Variants in SPMIP2 observed in about 807,000 individuals in gnomAD.
SPMIP2 encodes the protein protein SPMIP2.
At chr4:159,035,146 A>T in the SPMIP2 span, 1 of 1,483,546 alleles carries the variant, frequency 6.7e-7, no homozygotes, top group Non-Finnish European at 9.4e-7. Flanking sequence ...GCTTCTTCAA[A>T]TCAGTTAAGC....
chr4:159,013,511 A>G, the SPMIP2 span, among the ~76,000 whole-genome samples: 2 of 152,184 alleles, frequency 1.3e-5, no homozygotes, highest in Non-Finnish European at 2.9e-5. Flanking sequence ...GTAGGAGCCC[A>G]CCTTCCTGTC....
the SPMIP2 span, among the ~76,000 whole-genome samples, chr4:158,938,059 A>G: frequency 6.6e-6 from 1 of 152,244 alleles, no homozygotes; most frequent in African/African-American, 2.4e-5. Flanking sequence ...TATGGACAAA[A>G]CTATTTTGCA....
At chr4:159,076,908 T>A in the SPMIP2 span, among the ~76,000 whole-genome samples, 3 of 151,886 alleles carry the variant, frequency 2.0e-5, no homozygotes, top group Non-Finnish European at 2.9e-5. Flanking sequence ...CCGTCTCGGC[T>A]CACTGCAGCC....
chr4:158,970,483 T>C, the SPMIP2 span, among the ~76,000 whole-genome samples: 5 of 151,710 alleles, frequency 3.3e-5, no homozygotes, highest in South Asian at 1.0e-3. Flanking sequence ...GAGGCTGCAG[T>C]GAGCTATGAG....
At chr4:158,977,891 T>A in the SPMIP2 span, among the ~76,000 whole-genome samples, 1 of 152,152 alleles carries the variant, frequency 6.6e-6, no homozygotes, top group Non-Finnish European at 1.5e-5. Context: ...GGATTACAGG[T>A]GTGAGCCACA....
chr4:158,902,180 G>T, the SPMIP2 span, among the ~76,000 whole-genome samples: 1 of 152,006 alleles, frequency 6.6e-6, no homozygotes, highest in Non-Finnish European at 1.5e-5. Context: ...CTGAGTGGAC[G>T]TCCTTTTTGT....
chr4:159,032,341 C>G, the SPMIP2 span, among the ~76,000 whole-genome samples: 1 of 152,174 alleles, frequency 6.6e-6, no homozygotes, highest in African/African-American at 2.4e-5. Flanking sequence ...TAATTCTGCT[C>G]TCTCTATATA....
chr4:159,060,877 A>C, the SPMIP2 span, among the ~76,000 whole-genome samples: 1 of 151,600 alleles, frequency 6.6e-6, no homozygotes. Context: ...TTGAGCCCAG[A>C]AGTTCAAGAC....
the SPMIP2 span, among the ~76,000 whole-genome samples, chr4:158,978,553 T>C: frequency 6.6e-6 from 1 of 152,228 alleles, no homozygotes; most frequent in African/African-American, 2.4e-5. Context: ...AGACTTTACA[T>C]CTCTTTGTAA....
At chr4:158,931,445 C>T in the SPMIP2 span, among the ~76,000 whole-genome samples, 2 of 152,070 alleles carry the variant, frequency 1.3e-5, no homozygotes, top group Non-Finnish European at 2.9e-5. Flanking sequence ...TTAGTAGAGA[C>T]GCGGTTTCAT....
At chr4:158,893,144 G>T in the SPMIP2 span, 1 of 152,486 alleles carries the variant, frequency 6.6e-6, no homozygotes, top group Non-Finnish European at 1.5e-5. Flanking sequence ...GTAAAAGAAA[G>T]ATAGTACCTG....
chr4:158,931,783 A>T, the SPMIP2 span, among the ~76,000 whole-genome samples: 5 of 151,926 alleles, frequency 3.3e-5, no homozygotes, highest in African/African-American at 1.2e-4. Context: ...GGCTGGTCTC[A>T]AACTCTTGAC....
the SPMIP2 span, among the ~76,000 whole-genome samples, chr4:158,947,999 C>T: frequency 6.6e-6 from 1 of 152,138 alleles, no homozygotes; most frequent in African/African-American, 2.4e-5. Context: ...CCTTCTCTCC[C>T]TGCTCCAATG....
the SPMIP2 span, among the ~76,000 whole-genome samples, chr4:158,956,423 C>G: frequency 6.6e-6 from 1 of 152,168 alleles, no homozygotes; most frequent in Non-Finnish European, 1.5e-5. Flanking sequence ...ATTAGCTGGG[C>G]ATGATGGTGC....
the SPMIP2 span, among the ~76,000 whole-genome samples, chr4:158,988,560 T>C: frequency 0.98 from 149,771 of 152,304 alleles, 73,685 homozygotes; most frequent in East Asian, 1. Context: ...TGGCTTCATC[T>C]CTGGGATGCA....
the SPMIP2 span, among the ~76,000 whole-genome samples, chr4:158,920,698 T>G: frequency 6.6e-6 from 1 of 152,252 alleles, no homozygotes; most frequent in African/African-American, 2.4e-5. Context: ...AGACAATACA[T>G]GCACCACTGA....
At chr4:159,026,414 A>T in the SPMIP2 span, 1 of 985,492 alleles carries the variant, frequency 1.0e-6, no homozygotes, top group Non-Finnish European at 1.6e-6. Context: ...CAGCATCAGG[A>T]GTGGGATGGG....
At chr4:159,056,780 G>T in the SPMIP2 span, among the ~76,000 whole-genome samples, 76 of 152,164 alleles carry the variant, frequency 5.0e-4, 1 homozygote, top group Non-Finnish European at 9.8e-4. Context: ...AGCAACAAGT[G>T]GGGTGGGGAT....
the SPMIP2 span, among the ~76,000 whole-genome samples, chr4:158,933,511 T>C: frequency 6.6e-6 from 1 of 152,198 alleles, no homozygotes; most frequent in Admixed American, 6.5e-5. Context: ...AAGTTGTGCC[T>C]TGGGTTGCCA....
Sources: allele counts gnomAD v4.1 joint callset (sites outside exome capture counted in the v4.1 genomes callset), GRCh38; gene constraint gnomAD v4.1.1; transcripts MANE v1.5; gene names NCBI Gene and HGNC (gene_info 2026-07-23, HGNC 2026-07-21).